The following AGBL3 variants were observed in gnomAD, a reference collection of about 807,000 sequenced individuals.
AGBL3 encodes the protein AGBL carboxypeptidase 3.
A neutral mutation model predicts 94.5 loss-of-function variants in AGBL3; 68 were observed. The observed-to-expected ratio is 0.72, with a 90% CI of 0.59 to 0.88. The LOEUF is 0.88. Ranked by LOEUF, AGBL3 falls within the 40% of genes least tolerant of loss-of-function variation. The probability of loss-of-function intolerance (pLI) is 0.00; values close to 1 mark genes in which losing one functional copy is unlikely to be tolerated. For missense variants in AGBL3, 934 were observed against 1,103.8 expected (o/e 0.85, Z 2.18); for synonymous variants, 354 against 370.7 (o/e 0.95, Z 0.52).
chr7:135,073,768 A>G (rs931269062), intron 12 of AGBL3, among the ~76,000 whole-genome samples: 3 of 152,112 alleles, frequency 2.0e-5, no homozygotes, highest in Non-Finnish European at 4.4e-5. Flanking sequence ...AATTAGAAAG[A>G]AACTGAACAG....
intron 11 of AGBL3, among the ~76,000 whole-genome samples, chr7:135,054,623 A>G (rs1818174042): frequency 6.6e-6 from 1 of 152,184 alleles, no homozygotes; most frequent in Admixed American, 6.5e-5. Flanking sequence ...AATATAATAA[A>G]CTACTTATGT....
At chr7:135,021,881 T>C (rs938544932) in intron 5 of AGBL3, among the ~76,000 whole-genome samples, 6 of 152,134 alleles carry the variant, frequency 3.9e-5, no homozygotes, top group Admixed American at 1.3e-4. Flanking sequence ...TGTATTCTCA[T>C]TGTTCAGCTC....
intron 4 of AGBL3, among the ~76,000 whole-genome samples, chr7:134,999,289 C>G (rs750203899): frequency 4.6e-5 from 7 of 152,188 alleles, no homozygotes; most frequent in Non-Finnish European, 1.0e-4. Context: ...TGTCAGGACC[C>G]TTTTATAGTC....
chr7:135,047,914 T>G (rs1216896985), intron 11 of AGBL3, among the ~76,000 whole-genome samples: 1 of 152,002 alleles, frequency 6.6e-6, no homozygotes, highest in South Asian at 2.1e-4. Context: ...GCCTATGCTT[T>G]TGGTGTCGTA....
At chr7:135,098,911 C>T (rs1823333963) in intron 15 of AGBL3, among the ~76,000 whole-genome samples, 6 of 151,926 alleles carry the variant, frequency 3.9e-5, no homozygotes, top group Admixed American at 3.9e-4. Flanking sequence ...CTTAAATATC[C>T]ACTAAAGAGC....
chr7:135,114,109 C>T (rs1034615737), intron 15 of AGBL3, among the ~76,000 whole-genome samples: 5 of 33,270 alleles, frequency 1.5e-4, no homozygotes, highest in South Asian at 1.7e-3. Context: ...TCAATGAACA[C>T]GTGTGTTGCT....
intron 5 of AGBL3, among the ~76,000 whole-genome samples, chr7:135,031,402 G>A (rs560916589): frequency 1.3e-5 from 2 of 152,230 alleles, no homozygotes; most frequent in African/African-American, 4.8e-5. Flanking sequence ...TGGGACTACA[G>A]GCATGCACCA....
intron 15 of AGBL3, among the ~76,000 whole-genome samples, chr7:135,098,512 T>C (rs936126324): frequency 1.3e-5 from 2 of 152,188 alleles, no homozygotes; most frequent in Admixed American, 1.3e-4. Flanking sequence ...AATCCACGGA[T>C]GTGGAGCCCA....
chr7:135,088,445 TTC>T (rs947505958), intron 15 of AGBL3, among the ~76,000 whole-genome samples: 53 of 152,318 alleles, frequency 3.5e-4, no homozygotes, highest in African/African-American at 1.2e-3. Context: ...TTTAATTCTT[TTC>T]TCTCTTTTGT....
intron 6 of AGBL3, among the ~76,000 whole-genome samples, chr7:135,033,627 C>G (rs141841503): frequency 3.2e-4 from 48 of 152,234 alleles, no homozygotes; most frequent in African/African-American, 1.1e-3. Flanking sequence ...TCTCCAAAGA[C>G]TAAGTAAAGG....
At position 135,076,396 on chromosome 7, in the gene AGBL3, G is replaced by GA. The variant is rs750806939; in HGVS notation, c.1914dup (p.His639ThrfsTer25). 2.5e-5 allele frequency: 39 copies of GA among 1,537,160 alleles called. No homozygotes were observed. The highest frequency in any genetic ancestry group is 8.2e-5 in the African/African-American group (6 of 72,748). ...GATTTTAAGTATGATTCTTTTACTAGAAAAAACATTTGAAAACAAAGAAGG... is the reference window on the plus strand; with the variant it reads ...GATTTTAAGTATGATTCTTTTACTAGAAAAAAACATTTGAAAACAAAGAAGG... On this transcript the variant is annotated frameshift_variant and splice_region_variant. Transcript: ENST00000436302. LOFTEE classifies it high-confidence loss of function.
intron 5 of AGBL3, among the ~76,000 whole-genome samples, chr7:135,031,146 T>C (rs1015651525): frequency 1.3e-5 from 2 of 152,216 alleles, no homozygotes; most frequent in African/African-American, 4.8e-5. Context: ...CTGCTGAATT[T>C]TATATGTATT....
intron 13 of AGBL3, among the ~76,000 whole-genome samples, 159 bp downstream of exon 13, chr7:135,076,627 G>A (rs1246616104): frequency 6.6e-6 from 1 of 152,080 alleles, no homozygotes; most frequent in Non-Finnish European, 1.5e-5. Context: ...AAAGATCTTT[G>A]ACAGATGAGA....
chr7:135,096,558 A>AAGATAGATGATAGATAGAT (rs1822774473), intron 15 of AGBL3, among the ~76,000 whole-genome samples: 2 of 79,788 alleles, frequency 2.5e-5, no homozygotes, highest in East Asian at 3.0e-4. Context: ...GAAAGAAAGA[A>AAGATAGATGATAGATAGAT]AGATAGATAG....
In AGBL3 at chr7:135,057,517, A is replaced by C. The variant is rs142198334; in HGVS notation, c.1842-1652A>C. Among the ~76,000 whole-genome samples the C allele has an allele frequency of 9.2e-3, 1,396 of 152,320 alleles. 77 individuals are homozygous for C. The highest frequency in any genetic ancestry group is 0.085 in the Admixed American group (1,298 of 15,292). On this transcript the variant is annotated intron_variant, in intron 11 of 16. Coordinates refer to ENST00000436302, the MANE Select transcript of AGBL3 (RefSeq NM_178563.4). ...GACACACCTAATTATAATAGCTAAAATCCAAAGTAGTGACAATACTAAATG... is the reference window on the plus strand; with the variant it reads ...GACACACCTAATTATAATAGCTAAACTCCAAAGTAGTGACAATACTAAATG...
At chr7:135,023,842 G>A (rs2116323477) in intron 5 of AGBL3, among the ~76,000 whole-genome samples, 1 of 152,348 alleles carries the variant, frequency 6.6e-6, no homozygotes, top group African/African-American at 2.4e-5. Context: ...CAACCTGGGT[G>A]CTTTGCTGGT....
At chr7:134,991,566 A>G (rs1341071012) in intron 3 of AGBL3, among the ~76,000 whole-genome samples, 2 of 152,088 alleles carry the variant, frequency 1.3e-5, no homozygotes, top group East Asian at 1.9e-4. Context: ...TGCCCTTGCC[A>G]TATCATATCA....
intron 3 of AGBL3, among the ~76,000 whole-genome samples, chr7:134,990,922 T>G (rs945890683): frequency 6.8e-5 from 10 of 146,066 alleles, no homozygotes; most frequent in African/African-American, 2.5e-4. Context: ...CTGTGTAGAT[T>G]CTGGGTCAGT....
chr7:135,106,074 G>A (rs982455008), intron 15 of AGBL3, among the ~76,000 whole-genome samples: 7 of 152,082 alleles, frequency 4.6e-5, no homozygotes, highest in African/African-American at 1.7e-4. Context: ...AGTGATTTTT[G>A]TACATTGATT....
Sources: allele counts gnomAD v4.1 joint callset (sites outside exome capture counted in the v4.1 genomes callset), GRCh38; gene constraint gnomAD v4.1.1; transcripts MANE v1.5; gene names NCBI Gene and HGNC (gene_info 2026-07-23, HGNC 2026-07-21).